Variants in SPMIP11 observed in about 807,000 individuals in gnomAD.
SPMIP11 encodes sperm microtubule inner protein 11.
chr12:48,738,521 ACTTT>A, the SPMIP11 span, among the ~76,000 whole-genome samples: 1 of 147,876 alleles, frequency 6.8e-6, no homozygotes, highest in Non-Finnish European at 1.5e-5. Context: ...ATGGCACCTA[ACTTT>A]CTTTCTTTTT....
chr12:48,754,906 C>G, the SPMIP11 span, among the ~76,000 whole-genome samples: 3 of 152,174 alleles, frequency 2.0e-5, no homozygotes, highest in African/African-American at 7.2e-5. Flanking sequence ...GCCACCATAC[C>G]TCAGCCTCCC....
At chr12:48,729,864 C>A in the SPMIP11 span, among the ~76,000 whole-genome samples, 1 of 152,126 alleles carries the variant, frequency 6.6e-6, no homozygotes, top group Non-Finnish European at 1.5e-5. Flanking sequence ...ACCTTAGAGA[C>A]TCCTTAATAT....
chr12:48,733,140 T>C, the SPMIP11 span, among the ~76,000 whole-genome samples: 1 of 139,522 alleles, frequency 7.2e-6, no homozygotes. Flanking sequence ...AGTGGTGCAA[T>C]CTGGGCTCAC....
chr12:48,745,643 C>T, the SPMIP11 span, among the ~76,000 whole-genome samples: 11 of 152,180 alleles, frequency 7.2e-5, no homozygotes, highest in Non-Finnish European at 1.6e-4. Context: ...ATAAATCAAA[C>T]TACAGAAATA....
chr12:48,760,003 TC>T, the SPMIP11 span, among the ~76,000 whole-genome samples: 1 of 151,996 alleles, frequency 6.6e-6, no homozygotes, highest in Non-Finnish European at 1.5e-5. Flanking sequence ...GGTTGGTTTG[TC>T]CAGGTTGGTC....
chr12:48,765,230 G>A, the SPMIP11 span, among the ~76,000 whole-genome samples: 1 of 152,126 alleles, frequency 6.6e-6, no homozygotes, highest in African/African-American at 2.4e-5. Context: ...TGCAAAACAA[G>A]TGTCCATAGT....
At chr12:48,737,785 T>C in the SPMIP11 span, among the ~76,000 whole-genome samples, 63 of 152,070 alleles carry the variant, frequency 4.1e-4, no homozygotes, top group African/African-American at 1.5e-3. Context: ...GTCTCCCAAA[T>C]TGATCTTCTA....
the SPMIP11 span, among the ~76,000 whole-genome samples, chr12:48,742,432 C>A: frequency 6.6e-6 from 1 of 151,740 alleles, no homozygotes; most frequent in African/African-American, 2.4e-5. Context: ...CAGGCGCCTG[C>A]CACCACACCC....
the SPMIP11 span, among the ~76,000 whole-genome samples, chr12:48,755,773 AACAG>A: frequency 1.3e-5 from 2 of 152,156 alleles, no homozygotes; most frequent in African/African-American, 4.8e-5. Context: ...AGGCCTCGGG[AACAG>A]ACAGATTTCC....
the SPMIP11 span, chr12:48,768,733 G>C: frequency 2.5e-6 from 4 of 1,612,826 alleles, no homozygotes; most frequent in Non-Finnish European, 3.4e-6. Flanking sequence ...GAGTGGGAGG[G>C]GAGCCCGCTT....
At chr12:48,771,061 T>C in the SPMIP11 span, 3 of 1,261,574 alleles carry the variant, frequency 2.4e-6, no homozygotes, top group Non-Finnish European at 2.2e-6. The surrounding 1 kb of genome is among the most constrained non-coding windows in gnomAD (Gnocchi z 4.3). Flanking sequence ...CTTGGCTGCC[T>C]TCCCCACTTC....
the SPMIP11 span, among the ~76,000 whole-genome samples, chr12:48,752,300 A>G: frequency 6.6e-6 from 1 of 152,158 alleles, no homozygotes; most frequent in Non-Finnish European, 1.5e-5. Flanking sequence ...CTGGAAAACA[A>G]TATTTTTAAC....
chr12:48,764,671 T>G, the SPMIP11 span, among the ~76,000 whole-genome samples: 2 of 151,944 alleles, frequency 1.3e-5, no homozygotes, highest in African/African-American at 2.4e-5. Flanking sequence ...CCATGAAGGG[T>G]GTGAGATGCT....
chr12:48,763,816 T>C, the SPMIP11 span, among the ~76,000 whole-genome samples: 1 of 151,808 alleles, frequency 6.6e-6, no homozygotes, highest in African/African-American at 2.4e-5. Context: ...GTAGCTGCGA[T>C]TACAGGCACC....
the SPMIP11 span, among the ~76,000 whole-genome samples, chr12:48,729,080 G>A: frequency 6.6e-6 from 1 of 152,162 alleles, no homozygotes; most frequent in East Asian, 1.9e-4. Flanking sequence ...GGCTTTACAG[G>A]AGATATGACA....
At chr12:48,746,764 T>C in the SPMIP11 span, among the ~76,000 whole-genome samples, 1 of 151,074 alleles carries the variant, frequency 6.6e-6, no homozygotes, top group Non-Finnish European at 1.5e-5. Flanking sequence ...CTACTGAAAA[T>C]ACAAAAATTA....
chr12:48,739,293 C>G, the SPMIP11 span, among the ~76,000 whole-genome samples: 261 of 152,240 alleles, frequency 1.7e-3, 1 homozygote, highest in African/African-American at 5.9e-3. Context: ...TTTCCTCTGG[C>G]TCTCTATAAT....
the SPMIP11 span, among the ~76,000 whole-genome samples, chr12:48,770,063 A>ATT: frequency 7.3e-4 from 82 of 112,876 alleles, no homozygotes; most frequent in African/African-American, 1.5e-3. Context: ...GCCCGGCCTA[A>ATT]TTTTTTTTTT....
At chr12:48,753,025 C>G in the SPMIP11 span, among the ~76,000 whole-genome samples, 1 of 152,108 alleles carries the variant, frequency 6.6e-6, no homozygotes, top group Non-Finnish European at 1.5e-5. Flanking sequence ...CAGGAGGGCC[C>G]TGTTCTTTAT....
Sources: allele counts gnomAD v4.1 joint callset (sites outside exome capture counted in the v4.1 genomes callset), GRCh38; gene constraint gnomAD v4.1.1; non-coding constraint Gnocchi (gnomAD v3.1); transcripts MANE v1.5; gene names NCBI Gene and HGNC (gene_info 2026-07-23, HGNC 2026-07-21).